The following DCLK1 variants were observed in gnomAD, a reference collection of about 807,000 sequenced individuals.
DCLK1 encodes the protein serine/threonine-protein kinase DCLK1.
In DCLK1, 16 loss-of-function variants were observed where a neutral mutation model predicts 86.2. The ratio of observed to expected loss-of-function variants is 0.19; its 90% CI spans 0.13 to 0.28. The LOEUF is 0.28. DCLK1 is among the 10% of genes least tolerant of loss of function. The probability of loss-of-function intolerance (pLI) is 1.00; values close to 1 mark genes in which losing one functional copy is unlikely to be tolerated. For missense variants in DCLK1, 590 were observed against 940.2 expected, an observed-to-expected ratio of 0.63 and a Z score of 4.87; for synonymous variants, 369 against 370.5, an observed-to-expected ratio of 1.00 and a Z score of 0.05.
intron 3 of DCLK1, among the ~76,000 whole-genome samples, chr13:36,061,224 C>T (rs1455034872): frequency 6.6e-6 from 1 of 152,154 alleles, no homozygotes; most frequent in Non-Finnish European, 1.5e-5. Flanking sequence ...TAACCCCACT[C>T]TGGCTTTCTT....
In DCLK1 at chr13:35,953,550, T is replaced by A. The variant is rs117678316; in HGVS notation, c.724-6093A>T. Among the ~76,000 whole-genome samples the A allele has an allele frequency of 4.1e-3, 617 of 152,296 alleles. 15 individuals carry two copies. The East Asian group carries it at 0.054, about 13-fold the overall frequency. On this transcript the variant is annotated intron_variant, in intron 3 of 16. Coordinates refer to ENST00000360631, the MANE Select transcript of DCLK1 (RefSeq NM_001330071.2). ...GAAATCTGAATTCATATCTTTTCCA[T>A]TAACTTGTCATTACGCACAGTCGTC...
chr13:35,992,443 C>CT (rs35847607), intron 3 of DCLK1, among the ~76,000 whole-genome samples: 52,459 of 144,436 alleles, frequency 0.36, 10,086 homozygotes, highest in Non-Finnish European at 0.45. Flanking sequence ...AAAGAAAGTG[C>CT]TTTTTTTTTT....
chr13:35,837,903 T>G (rs1869502107), intron 7 of DCLK1, among the ~76,000 whole-genome samples: 1 of 151,752 alleles, frequency 6.6e-6, no homozygotes, highest in African/African-American at 2.4e-5. Flanking sequence ...CCATTTCTAC[T>G]AAAAATACAA....
At chr13:35,901,080 A>G (rs529463224) in intron 4 of DCLK1, among the ~76,000 whole-genome samples, 4 of 152,348 alleles carry the variant, frequency 2.6e-5, no homozygotes, top group South Asian at 2.1e-4. Context: ...AGAACAGAGG[A>G]AATAAAATTA....
chr13:35,915,420 G>C (rs1024246192), intron 4 of DCLK1, among the ~76,000 whole-genome samples: 4 of 152,178 alleles, frequency 2.6e-5, no homozygotes, highest in African/African-American at 9.7e-5. Context: ...TGAGTTTTAG[G>C]CTGGGTGTGG....
At chr13:35,897,021 G>C (rs537348636) in intron 4 of DCLK1, among the ~76,000 whole-genome samples, 4 of 152,112 alleles carry the variant, frequency 2.6e-5, no homozygotes, top group Non-Finnish European at 1.5e-5. Flanking sequence ...GGGCAGGAGA[G>C]GTCTAAGGCA....
chr13:35,917,711 A>C, intron 4 of DCLK1, among the ~76,000 whole-genome samples: 1 of 151,824 alleles, frequency 6.6e-6, no homozygotes, highest in Non-Finnish European at 1.5e-5. Flanking sequence ...CATGCCCCCC[A>C]CCTACCATGC....
intron 3 of DCLK1, among the ~76,000 whole-genome samples, chr13:36,067,485 C>T (rs995973418): frequency 2.7e-5 from 4 of 147,336 alleles, no homozygotes; most frequent in Non-Finnish European, 6.0e-5. Flanking sequence ...GTGCAGCACA[C>T]CAGCATGGCA....
rs1482848265 is a variant in DCLK1 at position 35,855,690 on chromosome 13, T to C, written c.941-1097A>G. 4.3e-6 allele frequency: 6 copies of C among 1,389,928 alleles called. No individual in the cohort carries two copies. In the Admixed American group the frequency reaches 1.6e-4, roughly 36 times the overall value. 86.1% of individuals were successfully genotyped at this position (1,389,928 alleles called of 1,614,324 possible). A position where few individuals can be genotyped will look rare whatever the true frequency, so the allele number is the denominator to read the frequency against. On this transcript the variant is annotated intron_variant, in intron 5 of 16. Coordinates refer to ENST00000360631, the MANE Select transcript of DCLK1 (RefSeq NM_001330071.2). The stretch of plus-strand genomic sequence containing the variant: ...GATGCAGGATTCATCAGCAGATGCC[T>C]TTTCTGCGTAAAGCTGACGTCTCCC...
chr13:35,924,781 A>T (rs1326433046), intron 4 of DCLK1, among the ~76,000 whole-genome samples: 1 of 152,242 alleles, frequency 6.6e-6, no homozygotes, highest in Non-Finnish European at 1.5e-5. Flanking sequence ...CCAGAAAACT[A>T]AAAATCAGTG....
chr13:35,947,003 T>C (rs767383562), intron 4 of DCLK1, among the ~76,000 whole-genome samples: 3 of 152,064 alleles, frequency 2.0e-5, no homozygotes, highest in Non-Finnish European at 4.4e-5. Flanking sequence ...CCTAGAAACA[T>C]CCTAAATTAT....
intron 2 of DCLK1, among the ~76,000 whole-genome samples, chr13:36,114,903 T>C (rs9315387): frequency 0.26 from 38,822 of 152,186 alleles, 5,015 homozygotes; most frequent in Non-Finnish European, 0.27. Context: ...TCTTCCTTAG[T>C]GTGACTGAGA....
In DCLK1 at chr13:36,100,179, C is replaced by CAAAAAA. The variant is rs58824322; in HGVS notation, c.723+11684_723+11689dup. Reference sequence around the variant, plus strand: ...ACAACAGGGCAAAACCCTGTCTCTACAAAAAAAAAAAAAAAAAAAAAAAAA... The same window carrying CAAAAAA: ...ACAACAGGGCAAAACCCTGTCTCTACAAAAAAAAAAAAAAAAAAAAAAAAAAAAAAA... On this transcript the variant is annotated intron_variant, in intron 3 of 16. Coordinates refer to ENST00000360631, the MANE Select transcript of DCLK1 (RefSeq NM_001330071.2). Among the ~76,000 whole-genome samples, 15 of 37,696 alleles carry CAAAAAA rather than the reference C, an allele frequency of 4.0e-4. 1 individual carries two copies. Among genetic ancestry groups the CAAAAAA allele is most frequent in the African/African-American group, 1.0e-3 (9 of 9,030 alleles). The allele number at this position is 37,696 out of a possible 152,430, so 24.7% of individuals were successfully genotyped here.
chr13:35,968,617 T>C (rs9575015), intron 3 of DCLK1, among the ~76,000 whole-genome samples: 23,229 of 152,180 alleles, frequency 0.15, 2,088 homozygotes, highest in East Asian at 0.23. Flanking sequence ...TGTTGATCTA[T>C]TGGAATTTCT....
intron 3 of DCLK1, among the ~76,000 whole-genome samples, chr13:35,969,322 C>G (rs1878951429): frequency 6.6e-6 from 1 of 151,944 alleles, no homozygotes; most frequent in Non-Finnish European, 1.5e-5. Flanking sequence ...TAGGTTGGCC[C>G]TAAATCCAGT....
At chr13:35,883,853 G>A (rs1195274301) in intron 4 of DCLK1, among the ~76,000 whole-genome samples, 2 of 152,184 alleles carry the variant, frequency 1.3e-5, no homozygotes, top group Non-Finnish European at 1.5e-5. Context: ...CCTTGTGTAT[G>A]TACTGACGAG....
At chr13:36,019,602 C>A (rs1230839768) in intron 3 of DCLK1, among the ~76,000 whole-genome samples, 2 of 152,178 alleles carry the variant, frequency 1.3e-5, no homozygotes, top group Non-Finnish European at 2.9e-5. Flanking sequence ...CCTGAGAACA[C>A]TTATCACGAT....
intron 3 of DCLK1, among the ~76,000 whole-genome samples, chr13:35,958,190 T>TACCACCACCACCACTATAACC (rs1237017860): frequency 1.8e-4 from 1 of 5,668 alleles, no homozygotes; most frequent in Non-Finnish European, 5.9e-4. Flanking sequence ...TAACCACCAC[T>TACCACCACCACCACTATAACC]ACCACCACCA....
chr13:35,845,046 G>A (rs1340308508), intron 6 of DCLK1, among the ~76,000 whole-genome samples: 4 of 152,130 alleles, frequency 2.6e-5, no homozygotes, highest in Non-Finnish European at 5.9e-5. Context: ...TCAGGAGTTC[G>A]AGAACAGCCT....
Sources: allele counts gnomAD v4.1 joint callset (sites outside exome capture counted in the v4.1 genomes callset), GRCh38; gene constraint gnomAD v4.1.1; transcripts MANE v1.5; gene names NCBI Gene and HGNC (gene_info 2026-07-23, HGNC 2026-07-21).